The following KCNN2 variants were observed in gnomAD, a reference collection of about 807,000 sequenced individuals.
The protein encoded by KCNN2 is potassium calcium-activated channel subfamily N member 2.
A neutral mutation model predicts 55.5 loss-of-function variants in KCNN2; 24 were observed. That is an observed-to-expected ratio of 0.43 (90% CI 0.31 to 0.61). KCNN2 has a LOEUF of 0.61. KCNN2 is among the 20% of genes least tolerant of loss of function. The probability of loss-of-function intolerance (pLI) is 0.08; values close to 1 mark genes in which losing one functional copy is unlikely to be tolerated. For synonymous variants in KCNN2, 431 were observed against 336.1 expected (o/e 1.28, Z -3.09); for missense variants, 754 against 853.6 (o/e 0.88, Z 1.45).
chr5:114,249,286 C>CTTTT (rs375457994), intron 2 of KCNN2, among the ~76,000 whole-genome samples: 5 of 101,492 alleles, frequency 4.9e-5, no homozygotes, highest in African/African-American at 1.2e-4. Flanking sequence ...TTCTTTCTTT[C>CTTTT]TTTCTTTTTT....
chr5:114,397,944 A>G (rs1289778900), intron 2 of KCNN2, among the ~76,000 whole-genome samples: 1 of 152,120 alleles, frequency 6.6e-6, no homozygotes, highest in African/African-American at 2.4e-5. Flanking sequence ...TGTCAGAGGC[A>G]TAGTTTGCAT....
At chr5:114,444,073 T>C (rs1375957989) in intron 3 of KCNN2, among the ~76,000 whole-genome samples, 1 of 152,228 alleles carries the variant, frequency 6.6e-6, no homozygotes, top group Non-Finnish European at 1.5e-5. Flanking sequence ...GTAAGATGTC[T>C]GTTACAATGG....
At chr5:114,166,694 C>CT (rs1752920050) in intron 1 of KCNN2, among the ~76,000 whole-genome samples, 1 of 152,120 alleles carries the variant, frequency 6.6e-6, no homozygotes, top group South Asian at 2.1e-4. Flanking sequence ...AGCCTCCAGA[C>CT]ACATGTAGAT....
intron 1 of KCNN2, among the ~76,000 whole-genome samples, chr5:114,181,521 G>C (rs1035231582): frequency 6.6e-6 from 1 of 151,900 alleles, no homozygotes; most frequent in Non-Finnish European, 1.5e-5. Flanking sequence ...ATTTCTCCTT[G>C]TATTGAATAT....
At chr5:114,242,660 A>C (rs1239878826) in intron 2 of KCNN2, among the ~76,000 whole-genome samples, 2 of 152,212 alleles carry the variant, frequency 1.3e-5, no homozygotes, top group African/African-American at 4.8e-5. Context: ...AGCAAGAAGG[A>C]CAGAAGGAAG....
Position 114,064,961 on chromosome 5 carries a change from G to T in KCNN2, c.-271+8461G>T, listed in dbSNP as rs183504270. 6.4e-3 allele frequency among the ~76,000 whole-genome samples: 975 copies of T among 152,228 alleles called. 16 individuals are homozygous for T. Among genetic ancestry groups the T allele is most frequent in the African/African-American group, 0.023 (954 of 41,544 alleles). ...TGCTTAGGGTGCTGTTAGTTTTTGT[G>T]GGGCTGTTCAACCCCAGAGAATCAG... On this transcript the variant is annotated intron_variant, in intron 1 of 10. Transcript: ENST00000512097.
At chr5:114,175,716 C>T (rs79896032) in intron 1 of KCNN2, among the ~76,000 whole-genome samples, 2,485 of 152,104 alleles carry the variant, frequency 0.016, 62 homozygotes, top group African/African-American at 0.056. Context: ...AATAAATGAC[C>T]AAAAATGAAA....
chr5:114,277,619 T>G (rs1359101751), intron 2 of KCNN2, among the ~76,000 whole-genome samples: 2 of 152,208 alleles, frequency 1.3e-5, no homozygotes, highest in Non-Finnish European at 2.9e-5. Flanking sequence ...TTCTTTTGCT[T>G]GATCAAATCA....
At chr5:114,145,717 T>C (rs182642523) in intron 1 of KCNN2, among the ~76,000 whole-genome samples, 15 of 152,098 alleles carry the variant, frequency 9.9e-5, no homozygotes, top group Admixed American at 3.3e-4. Context: ...TCCATCCATA[T>C]CATGGCTCAA....
At chr5:114,442,239 T>C (rs1307451587) in intron 3 of KCNN2, among the ~76,000 whole-genome samples, 1 of 149,734 alleles carries the variant, frequency 6.7e-6, no homozygotes, top group Non-Finnish European at 1.5e-5. Flanking sequence ...GAACGAATTA[T>C]ATATATACAT....
At chr5:114,078,020 TA>T (rs1298768159) in intron 1 of KCNN2, among the ~76,000 whole-genome samples, 1 of 152,222 alleles carries the variant, frequency 6.6e-6, no homozygotes, top group African/African-American at 2.4e-5. Context: ...AATAATGCTG[TA>T]AAAATATTAC....
intron 1 of KCNN2, among the ~76,000 whole-genome samples, chr5:114,098,624 G>A (rs1370621925): frequency 2.6e-5 from 4 of 151,592 alleles, no homozygotes; most frequent in Middle Eastern, 3.2e-3. Flanking sequence ...AACCATGTCC[G>A]TGAAAAAATT....
intron 4 of KCNN2, among the ~76,000 whole-genome samples, chr5:114,467,399 A>AAAAC (rs1236859619): frequency 6.6e-6 from 1 of 152,234 alleles, no homozygotes; most frequent in Non-Finnish European, 1.5e-5. Flanking sequence ...GAGAATGTGC[A>AAAAC]AAACACTCAA....
At chr5:114,065,820 G>T (rs1216539152) in intron 1 of KCNN2, among the ~76,000 whole-genome samples, 1 of 125,846 alleles carries the variant, frequency 7.9e-6, no homozygotes, top group Non-Finnish European at 1.6e-5. Context: ...TTGTTGCTAA[G>T]AGCTTTTAGC....
intron 5 of KCNN2, among the ~76,000 whole-genome samples, chr5:114,483,619 A>G (rs1042242031): frequency 1.3e-5 from 2 of 152,100 alleles, no homozygotes; most frequent in Admixed American, 1.3e-4. Flanking sequence ...TCAAATTATT[A>G]TAAAAATTAT....
At chr5:114,130,597 A>G (rs1752051902) in intron 1 of KCNN2, among the ~76,000 whole-genome samples, 1 of 152,168 alleles carries the variant, frequency 6.6e-6, no homozygotes. Flanking sequence ...GCCACCTCTT[A>G]CTTGCAGAGT....
intron 3 of KCNN2, among the ~76,000 whole-genome samples, chr5:114,410,322 G>A (rs1192694982): frequency 1.3e-5 from 2 of 152,130 alleles, no homozygotes; most frequent in Non-Finnish European, 2.9e-5. Flanking sequence ...ACTGGGCACC[G>A]TTTCTGAGCA....
chr5:114,271,690 C>G (rs1296158412), intron 2 of KCNN2, among the ~76,000 whole-genome samples: 1 of 152,112 alleles, frequency 6.6e-6, no homozygotes, highest in Non-Finnish European at 1.5e-5. Context: ...TTCTTCCTCC[C>G]CCTACTCTGT....
rs796483208 is a variant in KCNN2, at chr5:114,392,864, CT to C, written c.1219-11565del. 3.6e-4 allele frequency among the ~76,000 whole-genome samples: 52 copies of C among 143,764 alleles called. No homozygotes were observed. In the East Asian group the frequency reaches 8.0e-3, roughly 22 times the overall value. 94.3% of individuals were successfully genotyped at this position (143,764 alleles called of 152,430 possible). A position where few individuals can be genotyped will look rare whatever the true frequency, so the allele number is the denominator to read the frequency against. Reference sequence around the variant, plus strand: ...AAATGCTAGTTTCTAAGGAAGGAGGCTTTTTTTTTGTTTTTTGTTTTTTTTA... The same window carrying C: ...AAATGCTAGTTTCTAAGGAAGGAGGCTTTTTTTTGTTTTTTGTTTTTTTTA... On this transcript the variant is annotated intron_variant, in intron 2 of 7. Transcript: ENST00000673685.
Sources: allele counts gnomAD v4.1 joint callset (sites outside exome capture counted in the v4.1 genomes callset), GRCh38; gene constraint gnomAD v4.1.1; transcripts MANE v1.5; gene names NCBI Gene and HGNC (gene_info 2026-07-23, HGNC 2026-07-21).